NDST3: variants seen among roughly 807,000 people sequenced by gnomAD.
NDST3 encodes the protein bifunctional heparan sulfate N-deacetylase/N-sulfotransferase 3.
A neutral mutation model predicts 96.1 loss-of-function variants in NDST3; 58 were observed. That is an observed-to-expected ratio of 0.60 (90% CI 0.49 to 0.75). The LOEUF is 0.75. NDST3 is among the 30% of genes least tolerant of loss of function. The probability of loss-of-function intolerance (pLI) is 0.00; values close to 1 mark genes in which losing one functional copy is unlikely to be tolerated. For missense variants in NDST3, 788 were observed against 1,034.2 expected (o/e 0.76, Z 3.27); for synonymous variants, 333 against 359.7 (o/e 0.93, Z 0.84).
intron 6 of NDST3, among the ~76,000 whole-genome samples, chr4:118,144,774 T>A (rs1262552126): frequency 6.6e-6 from 1 of 152,134 alleles, no homozygotes; most frequent in Non-Finnish European, 1.5e-5. Context: ...GTGAAAAAAG[T>A]TGGATAGGGA....
chr4:118,181,101 G>A (rs1330934662), intron 6 of NDST3, among the ~76,000 whole-genome samples: 1 of 152,064 alleles, frequency 6.6e-6, no homozygotes, highest in Non-Finnish European at 1.5e-5. Context: ...ACGATTCTCA[G>A]GGCTCCATGA....
intron 6 of NDST3, among the ~76,000 whole-genome samples, chr4:118,211,654 G>A (rs977277586): frequency 2.0e-5 from 3 of 152,142 alleles, no homozygotes; most frequent in African/African-American, 7.2e-5. Context: ...GGTTGGCTCT[G>A]GCACTTTCCT....
chr4:118,037,551 G>A (rs1306125843), intron 1 of NDST3, among the ~76,000 whole-genome samples: 1 of 152,046 alleles, frequency 6.6e-6, no homozygotes, highest in East Asian at 1.9e-4. Context: ...TCAAATATTT[G>A]TTCTTGATAT....
At chr4:118,206,885 A>G (rs1457097533) in intron 6 of NDST3, among the ~76,000 whole-genome samples, 1 of 143,460 alleles carries the variant, frequency 7.0e-6, no homozygotes, top group Non-Finnish European at 1.5e-5. Context: ...TTATCCTCAG[A>G]TATATTTTCG....
chr4:118,171,455 A>G (rs6820367), intron 6 of NDST3, among the ~76,000 whole-genome samples: 1 of 151,984 alleles, frequency 6.6e-6, no homozygotes, highest in African/African-American at 2.4e-5. Context: ...ATTTCCTATC[A>G]TAACTCAGTA....
chr4:118,083,653 T>A (rs754288098), intron 2 of NDST3, among the ~76,000 whole-genome samples: 21 of 152,180 alleles, frequency 1.4e-4, no homozygotes, highest in Non-Finnish European at 3.1e-4. Context: ...GAAAGTAATA[T>A]TCTTGAAGAC....
At chr4:118,247,551 T>TA (rs567798197) in intron 12 of NDST3, among the ~76,000 whole-genome samples, 2 of 149,230 alleles carry the variant, frequency 1.3e-5, no homozygotes, top group Non-Finnish European at 3.0e-5. Flanking sequence ...AAACTCTGTC[T>TA]AAAAAAAAAG....
intron 6 of NDST3, among the ~76,000 whole-genome samples, chr4:118,177,582 A>G (rs1245203966): frequency 6.6e-6 from 1 of 152,042 alleles, no homozygotes; most frequent in African/African-American, 2.4e-5. Context: ...TTTTTCCACC[A>G]CAACTATTAA....
chr4:118,249,895 A>G (rs1741568427), intron 12 of NDST3, among the ~76,000 whole-genome samples: 1 of 152,176 alleles, frequency 6.6e-6, no homozygotes, highest in Admixed American at 6.5e-5. Flanking sequence ...ATAGAACAAA[A>G]AGGTATAATC....
chr4:118,133,354 C>T (rs1469283918), intron 4 of NDST3, among the ~76,000 whole-genome samples: 2 of 152,154 alleles, frequency 1.3e-5, no homozygotes, highest in Non-Finnish European at 2.9e-5. Flanking sequence ...CAGGGTAGTA[C>T]TGAGTTCAAT....
chr4:118,229,563 T>C (rs998948820), intron 8 of NDST3, among the ~76,000 whole-genome samples: 2 of 152,198 alleles, frequency 1.3e-5, no homozygotes, highest in East Asian at 3.8e-4. Context: ...TATAAATTCA[T>C]TATGCCTTTT....
At chr4:118,186,840 TC>T (rs1295749647) in intron 6 of NDST3, among the ~76,000 whole-genome samples, 2 of 152,236 alleles carry the variant, frequency 1.3e-5, no homozygotes, top group African/African-American at 4.8e-5. Flanking sequence ...AGCACATCAT[TC>T]ATAAGTCATC....
At chr4:118,247,844 A>G (rs1469420841) in intron 12 of NDST3, among the ~76,000 whole-genome samples, 1 of 152,234 alleles carries the variant, frequency 6.6e-6, no homozygotes, top group Non-Finnish European at 1.5e-5. Context: ...GATTTTAAAA[A>G]ACTGCAATGC....
intron 6 of NDST3, among the ~76,000 whole-genome samples, chr4:118,147,286 T>C (rs1193302581): frequency 6.6e-6 from 1 of 152,134 alleles, no homozygotes; most frequent in East Asian, 1.9e-4. Context: ...CCTCAGAGTG[T>C]TCGTTGATTA....
At chr4:118,176,733 C>T (rs1022666409) in intron 6 of NDST3, among the ~76,000 whole-genome samples, 2 of 152,010 alleles carry the variant, frequency 1.3e-5, no homozygotes, top group Admixed American at 6.6e-5. Flanking sequence ...ATTGATAGAA[C>T]AAAAAAGCTT....
intron 1 of NDST3, among the ~76,000 whole-genome samples, chr4:118,040,823 C>T (rs867722190): frequency 1.3e-5 from 2 of 148,202 alleles, no homozygotes; most frequent in African/African-American, 2.5e-5. Flanking sequence ...GCTGGGACCA[C>T]CTGCCACCAT....
chr4:118,112,735 G>A lies in NDST3; in HGVS notation c.1070-2071G>A, dbSNP rs576513432. Among the ~76,000 whole-genome samples, 9 of 152,170 alleles carry A rather than the reference G, an allele frequency of 5.9e-5. No homozygotes were observed. In the East Asian group the frequency reaches 1.7e-3, roughly 29 times the overall value. On this transcript the variant is annotated intron_variant, in intron 3 of 13. Transcript: ENST00000296499. The stretch of plus-strand genomic sequence containing the variant: ...CTTATTTATCACCTCGAATTTAGAA[G>A]GACCCAAGAACCTGCTATGGTTGGG...
At chr4:118,161,595 C>A (rs1735142307) in intron 6 of NDST3, among the ~76,000 whole-genome samples, 1 of 152,156 alleles carries the variant, frequency 6.6e-6, no homozygotes, top group Non-Finnish European at 1.5e-5. Flanking sequence ...TATCCCCCAG[C>A]CTCGCTGCCG....
chr4:118,132,846 A>G (rs1732749253), intron 4 of NDST3, among the ~76,000 whole-genome samples: 1 of 152,046 alleles, frequency 6.6e-6, no homozygotes, highest in South Asian at 2.1e-4. Context: ...GTATGTCAAG[A>G]AATATTCTCT....
Sources: allele counts gnomAD v4.1 joint callset (sites outside exome capture counted in the v4.1 genomes callset), GRCh38; gene constraint gnomAD v4.1.1; transcripts MANE v1.5; gene names NCBI Gene and HGNC (gene_info 2026-07-23, HGNC 2026-07-21).